ADD3: variants seen among roughly 807,000 people sequenced by gnomAD.
The protein encoded by ADD3 is gamma-adducin.
A neutral mutation model predicts 80.2 loss-of-function variants in ADD3; 25 were observed. That is an observed-to-expected ratio of 0.31 (90% confidence interval 0.23 to 0.44). ADD3 has a LOEUF of 0.44. Ranked by LOEUF, ADD3 falls within the 20% of genes least tolerant of loss-of-function variation. The probability of loss-of-function intolerance (pLI) is 1.00; values close to 1 mark genes in which losing one functional copy is unlikely to be tolerated. For synonymous variants in ADD3, 284 were observed against 289.6 expected (o/e 0.98, Z 0.20); for missense variants, 829 against 847.5 (o/e 0.98, Z 0.27).
At chr10:110,106,855 A>G (rs998092002) in intron 2 of ADD3, among the ~76,000 whole-genome samples, 16 of 152,152 alleles carry the variant, frequency 1.1e-4, no homozygotes, top group African/African-American at 3.1e-4. Context: ...ATAACATTCA[A>G]TGAGGATGAA....
intron 2 of ADD3, among the ~76,000 whole-genome samples, chr10:110,110,028 A>G (rs767064502): frequency 2.0e-5 from 3 of 152,236 alleles, no homozygotes; most frequent in Admixed American, 1.3e-4. Flanking sequence ...AGCTTTTATT[A>G]TATTGTGTGA....
chr10:110,022,117 A>G (rs1286687528), intron 1 of ADD3, among the ~76,000 whole-genome samples: 1 of 152,094 alleles, frequency 6.6e-6, no homozygotes, highest in Non-Finnish European at 1.5e-5. Context: ...GTGATACTTG[A>G]TAACTCAGGG....
chr10:110,092,306 G>A (rs1847626817), intron 1 of ADD3, among the ~76,000 whole-genome samples: 1 of 152,088 alleles, frequency 6.6e-6, no homozygotes. Context: ...GCAAAGACAT[G>A]GAATCAATCA....
chr10:110,027,699 C>T (rs537375830), intron 1 of ADD3, among the ~76,000 whole-genome samples: 77 of 152,278 alleles, frequency 5.1e-4, no homozygotes, highest in African/African-American at 1.8e-3. Context: ...AATTCCTCCA[C>T]TAGCAGTTTT....
chr10:110,006,779 G>A (rs914568722), upstream of ADD3, among the ~76,000 whole-genome samples: 5 of 151,760 alleles, frequency 3.3e-5, no homozygotes, highest in Admixed American at 2.0e-4. Context: ...GGCGGATGGC[G>A]TGAGGTATTT....
intron 1 of ADD3, among the ~76,000 whole-genome samples, chr10:110,018,155 T>C (rs1289570487): frequency 2.0e-5 from 3 of 151,926 alleles, no homozygotes; most frequent in Admixed American, 6.6e-5. Flanking sequence ...ATGCAAAATA[T>C]GTTACTTGCC....
chr10:110,101,457 A>G (rs1314406804), intron 2 of ADD3, among the ~76,000 whole-genome samples: 2 of 152,002 alleles, frequency 1.3e-5, no homozygotes, highest in Non-Finnish European at 2.9e-5. Flanking sequence ...AGCATAGTGA[A>G]TCCTTGTCTC....
intron 1 of ADD3, among the ~76,000 whole-genome samples, chr10:110,027,350 C>T (rs759016988): frequency 3.9e-5 from 6 of 152,130 alleles, no homozygotes; most frequent in Non-Finnish European, 8.8e-5. Context: ...TTTGAAGTTT[C>T]ATAGGAAGGC....
chr10:110,111,092 C>T (rs1028290640), intron 2 of ADD3, among the ~76,000 whole-genome samples: 4 of 152,180 alleles, frequency 2.6e-5, no homozygotes, highest in African/African-American at 9.7e-5. Context: ...CGAGGCAGAC[C>T]ACTGTCAGTG....
At chr10:110,080,530 A>T (rs952829712) in intron 1 of ADD3, among the ~76,000 whole-genome samples, 2 of 152,252 alleles carry the variant, frequency 1.3e-5, no homozygotes, top group African/African-American at 4.8e-5. Flanking sequence ...TATTTTACAT[A>T]AACTATCCTT....
chr10:110,059,667 G>T (rs1858641738), intron 1 of ADD3, among the ~76,000 whole-genome samples: 1 of 152,132 alleles, frequency 6.6e-6, no homozygotes, highest in Non-Finnish European at 1.5e-5. Flanking sequence ...TACTCGGGAG[G>T]CTGAGGCAGA....
intron 12 of ADD3, among the ~76,000 whole-genome samples, chr10:110,128,123 G>T (rs1197217798): frequency 7.1e-6 from 1 of 141,542 alleles, no homozygotes; most frequent in East Asian, 2.1e-4. Context: ...ATGATTGTGT[G>T]CTGATCTCTT....
chr10:110,042,450 A>G (rs939808908), intron 1 of ADD3, among the ~76,000 whole-genome samples: 4 of 152,314 alleles, frequency 2.6e-5, no homozygotes, highest in Non-Finnish European at 4.4e-5. Flanking sequence ...CAAGTGACTT[A>G]GAGGTGTCTG....
chr10:110,021,380 A>G (rs1366226120), intron 1 of ADD3, among the ~76,000 whole-genome samples: 1 of 152,206 alleles, frequency 6.6e-6, no homozygotes, highest in Non-Finnish European at 1.5e-5. Flanking sequence ...ACCCAAGAGA[A>G]TTGAAAATGT....
At chr10:110,101,709 C>G (rs1229231523) in intron 2 of ADD3, among the ~76,000 whole-genome samples, 1 of 151,322 alleles carries the variant, frequency 6.6e-6, no homozygotes, top group East Asian at 1.9e-4. Flanking sequence ...CTTTGTGAAT[C>G]ATATTCAAAT....
intron 1 of ADD3, among the ~76,000 whole-genome samples, chr10:110,062,414 CAAAA>C (rs61291710): frequency 9.3e-6 from 1 of 107,460 alleles, no homozygotes; most frequent in Non-Finnish European, 2.1e-5. Context: ...AACTCCATCT[CAAAA>C]AAAAAAAAAA....
intron 1 of ADD3, among the ~76,000 whole-genome samples, chr10:110,058,137 A>G (rs1269272041): frequency 6.8e-6 from 1 of 146,910 alleles, no homozygotes; most frequent in Non-Finnish European, 1.5e-5. Context: ...TGCCATATGC[A>G]TGCTATTTTG....
intron 2 of ADD3, among the ~76,000 whole-genome samples, chr10:110,103,083 C>CT (rs1235524578): frequency 6.6e-6 from 1 of 152,022 alleles, no homozygotes; most frequent in Admixed American, 6.6e-5. Flanking sequence ...TAGATCTTGG[C>CT]TAATGAATTT....
chr10:110,112,942 CATT>C (rs1288763299), intron 3 of ADD3, 27 bp downstream of exon 3: 4 of 1,604,446 alleles, frequency 2.5e-6, no homozygotes, highest in African/African-American at 1.3e-5. Flanking sequence ...GAGTTTTAAA[CATT>C]ATAATTTTAC....
Sources: allele counts gnomAD v4.1 joint callset (sites outside exome capture counted in the v4.1 genomes callset), GRCh38; gene constraint gnomAD v4.1.1; transcripts MANE v1.5; gene names NCBI Gene and HGNC (gene_info 2026-07-23, HGNC 2026-07-21).